Variants in THAP2 observed in about 807,000 individuals in gnomAD.
The protein encoded by THAP2 is THAP domain containing 2.
In THAP2, 16 loss-of-function variants were observed where a neutral mutation model predicts 18.8. The ratio of observed to expected loss-of-function variants is 0.85; its 90% CI spans 0.58 to 1.29. The LOEUF is 1.29. Among genes scored for constraint, THAP2 ranks in the 50% most tolerant of loss-of-function variants. The pLI is 0.00. For synonymous variants in THAP2, 80 were observed against 89.2 expected (o/e 0.90, Z 0.58); for missense variants, 251 against 265.3 (o/e 0.95, Z 0.38).
chr12:71,666,118 A>G (rs1021753365), intron 1 of THAP2, among the ~76,000 whole-genome samples: 1 of 152,158 alleles, frequency 6.6e-6, no homozygotes, highest in Non-Finnish European at 1.5e-5. Context: ...ATTAGAGTAG[A>G]AATGGAGAGG....
chr12:71,674,748 G>A (rs1032649227), intron 2 of THAP2, among the ~76,000 whole-genome samples: 2 of 152,092 alleles, frequency 1.3e-5, no homozygotes, highest in Non-Finnish European at 2.9e-5. Flanking sequence ...AGTACTTTAA[G>A]AGCACACAGC....
intron 1 of THAP2, among the ~76,000 whole-genome samples, chr12:71,670,958 A>G (rs1313998996): frequency 1.4e-5 from 2 of 146,634 alleles, no homozygotes; most frequent in African/African-American, 2.6e-5. Context: ...AAAAAAAATT[A>G]AGAGAAAATA....
chr12:71,676,443 A>G (rs1372691681), intron 2 of THAP2, among the ~76,000 whole-genome samples: 1 of 152,072 alleles, frequency 6.6e-6, no homozygotes, highest in Non-Finnish European at 1.5e-5. Context: ...TCCATTGTCT[A>G]TTTCCAAATC....
chr12:71,665,640 A>C (rs1266673207), intron 1 of THAP2: 1 of 152,264 alleles, frequency 6.6e-6, no homozygotes, highest in East Asian at 1.9e-4. Context: ...CAGAGACCTA[A>C]CTTAGTCTTG....
chr12:71,674,365 C>G lies in THAP2; in HGVS notation c.234C>G (p.Thr78=), dbSNP rs1038050263. ...GACTTAAAATGGATGCTGTTCCAAC[C>G]ATTTTTGATTTTTGTACCCATATAA... ...TRRLKMDAVP[T]IFDFCTHIKS... is the part of the protein sequence containing the mutation. The change falls in exon 2 of 3, where the codon ACC becomes ACG. Residue 78 remains threonine (T), a synonymous_variant. Transcript: ENST00000308086. 3.7e-6 allele frequency: 6 copies of G among 1,610,094 alleles called. No individual in the cohort carries two copies. The highest frequency in any genetic ancestry group is 5.1e-6 in the Non-Finnish European group (6 of 1,177,566).
rs5799053 is a variant in THAP2, at chr12:71,674,186, A to ATTTT, written c.72-7_72-4dup. ...TTATGATAGTTGGAATTTGAGTTGC[A>ATTTT]TTTTTTTTTTTTTAAGGTTTCCTTT... is the stretch of plus-strand genomic sequence containing the variant. On this transcript the variant is annotated splice_polypyrimidine_tract_variant and intron_variant, in intron 1 of 2. Transcript: ENST00000308086. 372 of 1,351,374 alleles carry ATTTT rather than the reference A, an allele frequency of 2.8e-4. No homozygotes were observed. Among genetic ancestry groups the ATTTT allele is most frequent in the South Asian group, 4.5e-4 (32 of 70,698 alleles). 83.7% of individuals were successfully genotyped at this position (1,351,374 alleles called of 1,614,324 possible). A position where few individuals can be genotyped will look rare whatever the true frequency, so the allele number is the denominator to read the frequency against.
In THAP2 at chr12:71,677,015, TC is replaced by T; in HGVS notation, c.596del (p.Pro199LeufsTer18). 1 of 1,613,572 alleles carries T rather than the reference TC, an allele frequency of 6.2e-7. No individual in the cohort carries two copies. Among genetic ancestry groups the T allele is most frequent in the Non-Finnish European group, 8.5e-7 (1 of 1,179,610 alleles). The stretch of plus-strand genomic sequence containing the variant: ...TGTTACCAACTGCCTTAAGCAGTCT[TC>T]CTTTGGAAGATTTTAAGATCCTTGA... ...HMLPTALSSL[P>X]LEDFKILEQD... On this transcript the variant is annotated frameshift_variant, in exon 3 of 3. Coordinates refer to ENST00000308086, the MANE Select transcript of THAP2 (RefSeq NM_031435.4). LOFTEE classifies it high-confidence loss of function.
chr12:71,671,539 TATC>T (rs1881439149), intron 1 of THAP2, among the ~76,000 whole-genome samples: 1 of 152,236 alleles, frequency 6.6e-6, no homozygotes, highest in Non-Finnish European at 1.5e-5. Context: ...TGATTTCCCT[TATC>T]AGCTCTGTCA....
intron 1 of THAP2, among the ~76,000 whole-genome samples, chr12:71,668,281 C>G (rs951671200): frequency 2.0e-5 from 3 of 152,182 alleles, no homozygotes; most frequent in Non-Finnish European, 4.4e-5. Flanking sequence ...TTTTACGGTT[C>G]CACACAACCC....
intron 1 of THAP2, chr12:71,665,162 A>T (rs1881311240): frequency 1.8e-6 from 1 of 544,716 alleles, no homozygotes; most frequent in Non-Finnish European, 3.2e-6. Context: ...CTGGAAGAAA[A>T]ATCAAAATTC....
chr12:71,679,378 C>T lies in THAP2; in HGVS notation c.*2270C>T, dbSNP rs983728870. Reference sequence around the variant, plus strand: ...TGTTTTATTAACATACATTTGTCTACCTTAAAACTAGCTTTATTCACAGAG... The same window carrying T: ...TGTTTTATTAACATACATTTGTCTATCTTAAAACTAGCTTTATTCACAGAG... On this transcript the variant is annotated 3_prime_UTR_variant, in exon 3 of 3. Coordinates refer to ENST00000308086, the MANE Select transcript of THAP2 (RefSeq NM_031435.4). 2 of 152,022 alleles carry T rather than the reference C, an allele frequency of 1.3e-5. No individual in the cohort carries two copies. The highest frequency in any genetic ancestry group is 2.9e-5 in the Non-Finnish European group (2 of 67,982). 9.4% of individuals were successfully genotyped at this position (152,022 alleles called of 1,614,324 possible).
At position 71,680,640 on chromosome 12, in the gene THAP2, G is replaced by A. The variant is rs1176989169; in HGVS notation, c.*3532G>A. 6.6e-6 allele frequency: 1 copy of A among 152,008 alleles called. No homozygotes were observed. 9.4% of individuals were successfully genotyped at this position (152,008 alleles called of 1,614,324 possible). On this transcript the variant is annotated 3_prime_UTR_variant, in exon 3 of 3. Transcript: ENST00000308086. ...GGTGATATTAAACATTTTTCCCCAAGGAAATTACTGTCATGCCTGTTATTT... is the reference window on the plus strand; with the variant it reads ...GGTGATATTAAACATTTTTCCCCAAAGAAATTACTGTCATGCCTGTTATTT...
intron 1 of THAP2, among the ~76,000 whole-genome samples, chr12:71,669,743 G>T (rs572153414): frequency 6.6e-6 from 1 of 152,056 alleles, no homozygotes; most frequent in East Asian, 1.9e-4. Context: ...ATCACCTGAG[G>T]TCAAGAGTTC....
At chr12:71,672,016 C>T (rs1881446597) in intron 1 of THAP2, among the ~76,000 whole-genome samples, 1 of 152,150 alleles carries the variant, frequency 6.6e-6, no homozygotes, top group Non-Finnish European at 1.5e-5. Context: ...TGGTGTTTAT[C>T]TTTCCTTTTC....
chr12:71,675,020 AC>A (rs1165079385), intron 2 of THAP2, among the ~76,000 whole-genome samples: 1 of 152,150 alleles, frequency 6.6e-6, no homozygotes, highest in East Asian at 1.9e-4. Context: ...ATTAAAAAAA[AC>A]GAAAGAATAA....
Position 71,677,745 on chromosome 12 carries a change from G to A in THAP2, c.*637G>A, listed in dbSNP as rs1397845622. 6.6e-6 allele frequency: 1 copy of A among 152,042 alleles called. No homozygotes were observed. Among genetic ancestry groups the A allele is most frequent in the Non-Finnish European group, 1.5e-5 (1 of 67,994 alleles). The allele number at this position is 152,042 out of a possible 1,614,324, so 9.4% of individuals were successfully genotyped here. A position where few individuals can be genotyped will look rare whatever the true frequency, so the allele number is the denominator to read the frequency against. On this transcript the variant is annotated 3_prime_UTR_variant, in exon 3 of 3. Coordinates refer to ENST00000308086, the MANE Select transcript of THAP2 (RefSeq NM_031435.4). The stretch of plus-strand genomic sequence containing the variant: ...CATTGAGTCATCCAAACTAGGTAAG[G>A]CCTCAAGTACTTTAAACTAGTAAAA...
chr12:71,678,722 C>A lies in THAP2; in HGVS notation c.*1614C>A, dbSNP rs980581542. 6 of 152,060 alleles carry A rather than the reference C, an allele frequency of 3.9e-5. No homozygotes were observed. The highest frequency in any genetic ancestry group is 1.4e-4 in the African/African-American group (6 of 41,428). The allele number at this position is 152,060 out of a possible 1,614,324, so 9.4% of individuals were successfully genotyped here. A position where few individuals can be genotyped will look rare whatever the true frequency, so the allele number is the denominator to read the frequency against. ...ATTGCATTTGCTTGGCTCCTAGTAACAATTCTTTTACAGTATTAGCACTCT... is the reference window on the plus strand; with the variant it reads ...ATTGCATTTGCTTGGCTCCTAGTAAAAATTCTTTTACAGTATTAGCACTCT... On this transcript the variant is annotated 3_prime_UTR_variant, in exon 3 of 3. Transcript: ENST00000308086.
In THAP2 at chr12:71,676,948, T is replaced by C; in HGVS notation, c.527T>C (p.Leu176Ser). The C allele has an allele frequency of 1.9e-6, 3 of 1,613,768 alleles. No individual in the cohort carries two copies. Among genetic ancestry groups the C allele is most frequent in the Non-Finnish European group, 2.5e-6 (3 of 1,179,718 alleles). ...WIKATCLVKN[L>S]EANSVLPKGT... ...AAAGCCACGTGTTTGGTAAAGAATT[T>C]AGAAGCAAATAGTGTATTACCTAAA... The change falls in exon 3 of 3, where the codon TTA becomes TCA. Residue 176 changes from leucine (L) to serine (S), a missense_variant. Leu to Ser is a moderately radical substitution (Grantham distance 145). Transcript: ENST00000308086.
At chr12:71,670,866 G>T (rs974918655) in intron 1 of THAP2, among the ~76,000 whole-genome samples, 2 of 150,292 alleles carry the variant, frequency 1.3e-5, no homozygotes, top group Non-Finnish European at 2.9e-5. Context: ...TTAAACCTGG[G>T]AGGTGGAGGT....
Sources: gnomAD v4.1 joint callset for allele counts (sites outside exome capture counted in the v4.1 genomes callset) on GRCh38, gnomAD v4.1.1 for gene constraint, MANE v1.5 for transcripts, NCBI Gene and HGNC (gene_info 2026-07-23, HGNC 2026-07-21) for gene names.